The following PXMP4 variants were observed in gnomAD, a reference collection of about 807,000 sequenced individuals.
PXMP4 encodes the protein peroxisomal membrane protein 4.
In PXMP4, 16 loss-of-function variants were observed where a neutral mutation model predicts 21.6. The ratio of observed to expected loss-of-function variants is 0.74; its 90% CI spans 0.50 to 1.13. The LOEUF (loss-of-function observed/expected upper bound fraction) is 1.13. PXMP4 is among the 50% of genes most tolerant of loss of function. PXMP4 has a pLI of 0.00. For synonymous variants in PXMP4, 127 were observed against 123.8 expected (o/e 1.03, Z -0.17); for missense variants, 240 against 277.7 (o/e 0.86, Z 0.96).
Position 33,717,771 on chromosome 20 carries a change from G to GT in PXMP4, c.113+2323dup, listed in dbSNP as rs561619673. ...CCTCATTTAGGGATCTAGGAATGAC[G>GT]TGAACAAGACCATGTTTACTTTCAT... On this transcript the variant is annotated intron_variant, in intron 1 of 3. Coordinates refer to ENST00000409299, the MANE Select transcript of PXMP4 (RefSeq NM_007238.5). Among the ~76,000 whole-genome samples, 1,110 of 151,132 alleles carry GT rather than the reference G, an allele frequency of 7.3e-3. 7 individuals are homozygous for GT. Among genetic ancestry groups the GT allele is most frequent in the Non-Finnish European group, 0.012 (784 of 67,940 alleles).
intron 3 of PXMP4, among the ~76,000 whole-genome samples, chr20:33,708,794 G>A (rs1238452413): frequency 3.3e-5 from 5 of 151,832 alleles, no homozygotes; most frequent in Non-Finnish European, 7.4e-5. Context: ...TGGTTCAAGC[G>A]ATTCTCCTGC....
chr20:33,715,957 G>T (rs1371654029), intron 1 of PXMP4, among the ~76,000 whole-genome samples: 1 of 148,422 alleles, frequency 6.7e-6, no homozygotes, highest in Admixed American at 6.9e-5. Flanking sequence ...CGATTCTCCT[G>T]CCTCAGCCTC....
rs963504740 is a variant in PXMP4, at chr20:33,704,486, C to T, written c.*3220G>A. 5 of 152,372 alleles carry T rather than the reference C, an allele frequency of 3.3e-5. No homozygotes were observed. The highest frequency in any genetic ancestry group is 4.8e-5 in the African/African-American group (2 of 41,570). 9.4% of individuals were successfully genotyped at this position (152,372 alleles called of 1,614,324 possible). ...CAACTCCTGCTGCGTGGCCTGGTTC[C>T]GAACAGGCCATGGACCGGTACCGGG... On this transcript the variant is annotated 3_prime_UTR_variant, in exon 4 of 4. Coordinates refer to ENST00000409299, the MANE Select transcript of PXMP4 (RefSeq NM_007238.5).
chr20:33,709,802 C>G (rs1452073372), intron 3 of PXMP4, among the ~76,000 whole-genome samples: 46 of 137,496 alleles, frequency 3.3e-4, no homozygotes, highest in Middle Eastern at 3.6e-3. Flanking sequence ...TGAACCACGC[C>G]CCTTCACCCA....
At chr20:33,716,887 G>C (rs1024373813) in intron 1 of PXMP4, among the ~76,000 whole-genome samples, 1 of 152,126 alleles carries the variant, frequency 6.6e-6, no homozygotes, top group Non-Finnish European at 1.5e-5. Flanking sequence ...ATACAAAGAA[G>C]GACCTCAACT....
rs991391188 is a variant in PXMP4 at position 33,706,688 on chromosome 20, G to A, written c.*1018C>T. The stretch of plus-strand genomic sequence containing the variant: ...TGCACTGTCCACTAGAATAATCTGT[G>A]AGGATACAAGTGTTCCATATCTGTG... On this transcript the variant is annotated 3_prime_UTR_variant, in exon 4 of 4. Coordinates refer to ENST00000409299, the MANE Select transcript of PXMP4 (RefSeq NM_007238.5). 2.0e-5 allele frequency: 3 copies of A among 152,090 alleles called. No individual in the cohort carries two copies. Among genetic ancestry groups the A allele is most frequent in the Non-Finnish European group, 4.4e-5 (3 of 68,038 alleles). 9.4% of individuals were successfully genotyped at this position (152,090 alleles called of 1,614,324 possible). A position where few individuals can be genotyped will look rare whatever the true frequency, so the allele number is the denominator to read the frequency against.
intron 1 of PXMP4, among the ~76,000 whole-genome samples, chr20:33,717,408 A>C (rs1223131437): frequency 6.6e-6 from 1 of 151,696 alleles, no homozygotes; most frequent in Non-Finnish European, 1.5e-5. Context: ...TGGGAGGCCG[A>C]GGCGGGCGGA....
chr20:33,720,294 T>G lies in PXMP4; in HGVS notation c.-87A>C. The G allele has an allele frequency of 8.5e-7, 1 of 1,182,068 alleles. No individual in the cohort carries two copies. The highest frequency in any genetic ancestry group is 1.2e-6 in the Non-Finnish European group (1 of 829,964). 73.2% of individuals were successfully genotyped at this position (1,182,068 alleles called of 1,614,324 possible). A position where few individuals can be genotyped will look rare whatever the true frequency, so the allele number is the denominator to read the frequency against. ...CAGCTGCGCGCCCACAGCCCCTCGG[T>G]AGCGCCGCCGACTCGTGGCGTCTAT... On this transcript the variant is annotated 5_prime_UTR_variant, in exon 1 of 4. Coordinates refer to ENST00000409299, the MANE Select transcript of PXMP4 (RefSeq NM_007238.5).
intron 2 of PXMP4, among the ~76,000 whole-genome samples, chr20:33,712,075 GT>G (rs1403395800): frequency 2.6e-5 from 4 of 152,016 alleles, no homozygotes; most frequent in Non-Finnish European, 4.4e-5. Flanking sequence ...GCAAACTCAG[GT>G]GCTCTTAAGG....
chr20:33,717,497 G>A lies in PXMP4; in HGVS notation c.113+2598C>T, dbSNP rs961957695. Among the ~76,000 whole-genome samples, 24 of 150,136 alleles carry A rather than the reference G, an allele frequency of 1.6e-4. No individual in the cohort carries two copies. The East Asian group carries it at 2.0e-3, about 12-fold the overall frequency. On this transcript the variant is annotated intron_variant, in intron 1 of 3. Coordinates refer to ENST00000409299, the MANE Select transcript of PXMP4 (RefSeq NM_007238.5). ...CTACTAAAAATACAAAAAATTAGCC[G>A]GGCGTAGTGGCGGGCGCCTGTAGTC... is the stretch of plus-strand genomic sequence containing the variant.
chr20:33,720,199 G>C lies in PXMP4; in HGVS notation c.9C>G (p.Ala3=). MA[A]PPQLRALLVV... ...CGAGCAGAGCCCTTAGCTGCGGCGG[G>C]GCTGCCATAGTGCGGGCTGCGCGCA... is the stretch of plus-strand genomic sequence containing the variant. Residue 3 remains alanine (A), a synonymous_variant, in exon 1 of 4, where the codon GCC becomes GCG. Transcript: ENST00000409299. The C allele has an allele frequency of 6.2e-7, 1 of 1,610,814 alleles. No individual in the cohort carries two copies. Among genetic ancestry groups the C allele is most frequent in the South Asian group, 1.1e-5 (1 of 90,780 alleles).
At chr20:33,708,049 CATTT>C in intron 3 of PXMP4, 80 bp from the exon 4 acceptor site, 1 of 1,457,888 alleles carries the variant, frequency 6.9e-7, no homozygotes, top group Non-Finnish European at 9.2e-7. Context: ...TAATTTGTTT[CATTT>C]CTCTTTTTTT....
At chr20:33,711,666 G>A (rs1288068660) in intron 2 of PXMP4, among the ~76,000 whole-genome samples, 1 of 151,892 alleles carries the variant, frequency 6.6e-6, no homozygotes, top group Non-Finnish European at 1.5e-5. Flanking sequence ...ATTCCAGCCT[G>A]GACGACAGAG....
chr20:33,708,520 TC>T (rs2018288502), intron 3 of PXMP4, among the ~76,000 whole-genome samples: 1 of 151,578 alleles, frequency 6.6e-6, no homozygotes, highest in African/African-American at 2.4e-5. Flanking sequence ...CTTCTTTTCT[TC>T]AGCTTACTTT....
At chr20:33,716,011 A>AT (rs1216041416) in intron 1 of PXMP4, among the ~76,000 whole-genome samples, 1 of 149,292 alleles carries the variant, frequency 6.7e-6, no homozygotes, top group East Asian at 2.0e-4. Context: ...TGCCTGGCTA[A>AT]CTTTGTATTT....
At position 33,710,684 on chromosome 20, in the gene PXMP4, C is replaced by T. The variant is rs201202068; in HGVS notation, c.246G>A (p.Val82=). The change falls in exon 3 of 4, where the codon GTG becomes GTA. Residue 82 remains valine, a synonymous_variant. Transcript: ENST00000409299. ...YIHSWNLARF[V]FTYKGLRALQ... ...GGGCACGGAGACCCTTGTAGGTGAACACAAACCGTGCCAGGTTCCAGGAGT... is the reference window on the plus strand; with the variant it reads ...GGGCACGGAGACCCTTGTAGGTGAATACAAACCGTGCCAGGTTCCAGGAGT... 6 of 1,613,882 alleles carry T rather than the reference C, an allele frequency of 3.7e-6. No individual in the cohort carries two copies. The highest frequency in any genetic ancestry group is 1.7e-4 in the Middle Eastern group (1 of 6,052).
intron 2 of PXMP4, among the ~76,000 whole-genome samples, chr20:33,711,669 C>T (rs7346337): frequency 2.0e-5 from 3 of 151,822 alleles, no homozygotes; most frequent in African/African-American, 4.8e-5. Context: ...CCAGCCTGGA[C>T]GACAGAGACT....
chr20:33,710,691 C>T lies in PXMP4; in HGVS notation c.239G>A (p.Arg80Gln), dbSNP rs765989293. The T allele has an allele frequency of 2.7e-5, 43 of 1,613,646 alleles. No homozygotes were observed. The East Asian group carries it at 5.8e-4, about 22-fold the overall frequency. ...GAGACCCTTGTAGGTGAACACAAACCGTGCCAGGTTCCAGGAGTGGATATA... is the reference window on the plus strand; with the variant it reads ...GAGACCCTTGTAGGTGAACACAAACTGTGCCAGGTTCCAGGAGTGGATATA... ...ATYIHSWNLA[R>Q]FVFTYKGLRA... is the part of the protein sequence containing the mutation. Residue 80 changes from arginine (R) to glutamine (Q), a missense_variant, in exon 3 of 4, where the codon CGG becomes CAG. By Grantham distance (43) the Arg-to-Gln change is conservative. Transcript: ENST00000409299.
At chr20:33,713,359 C>A (rs986423773) in intron 2 of PXMP4, among the ~76,000 whole-genome samples, 2 of 152,178 alleles carry the variant, frequency 1.3e-5, no homozygotes, top group Non-Finnish European at 2.9e-5. Context: ...TCATATCCAC[C>A]TGGACAACTC....
Sources: allele counts gnomAD v4.1 joint callset (sites outside exome capture counted in the v4.1 genomes callset), GRCh38; gene constraint gnomAD v4.1.1; transcripts MANE v1.5; gene names NCBI Gene and HGNC (gene_info 2026-07-23, HGNC 2026-07-21).